The following CSMD1 variants were observed in gnomAD, a reference collection of about 807,000 sequenced individuals.
CSMD1 encodes CUB and sushi domain-containing protein 1.
A neutral mutation model predicts 417.5 loss-of-function variants in CSMD1; 213 were observed. The observed-to-expected ratio is 0.51, with a 90% CI of 0.46 to 0.57. The LOEUF is 0.57. CSMD1 is among the 20% of genes least tolerant of loss of function. The pLI is 0.00. For synonymous variants in CSMD1, 2,862 were observed against 1,736.8 expected, an observed-to-expected ratio of 1.65 and a Z score of -16.11; for missense variants, 6,923 against 4,529.7, an observed-to-expected ratio of 1.53 and a Z score of -15.17.
At chr8:3,286,587 G>A (rs1285840453) in intron 25 of CSMD1, among the ~76,000 whole-genome samples, 1 of 152,010 alleles carries the variant, frequency 6.6e-6, no homozygotes, top group Non-Finnish European at 1.5e-5. Flanking sequence ...GTGATAATGA[G>A]CATTTTTTCA....
chr8:4,460,752 C>G (rs938491843), intron 2 of CSMD1, among the ~76,000 whole-genome samples: 3 of 152,006 alleles, frequency 2.0e-5, no homozygotes, highest in Non-Finnish European at 2.9e-5. Flanking sequence ...CAAACAACAT[C>G]AGAATAGACC....
intron 1 of CSMD1, among the ~76,000 whole-genome samples, chr8:4,957,907 G>T (rs1225829217): frequency 6.6e-6 from 1 of 152,170 alleles, no homozygotes; most frequent in Non-Finnish European, 1.5e-5. Context: ...GCTGGTGTCT[G>T]TAAGGAGAAG....
At chr8:4,806,046 CGG>C in intron 1 of CSMD1, among the ~76,000 whole-genome samples, 1 of 152,096 alleles carries the variant, frequency 6.6e-6, no homozygotes, top group Non-Finnish European at 1.5e-5. Flanking sequence ...AGTGAGATGA[CGG>C]AAACCCGGAT....
chr8:3,942,598 T>C (rs1390495500), intron 5 of CSMD1, among the ~76,000 whole-genome samples: 2 of 152,202 alleles, frequency 1.3e-5, no homozygotes, highest in Admixed American at 1.3e-4. Context: ...GTTTTTCCTC[T>C]AAAGGCGACA....
chr8:4,578,917 C>T (rs1370872531), intron 2 of CSMD1, among the ~76,000 whole-genome samples: 1 of 150,612 alleles, frequency 6.6e-6, no homozygotes, highest in Admixed American at 6.6e-5. Flanking sequence ...GTGAAAACCA[C>T]CATGTGGAAA....
At chr8:4,894,651 G>T (rs1443537884) in intron 1 of CSMD1, among the ~76,000 whole-genome samples, 1 of 151,658 alleles carries the variant, frequency 6.6e-6, no homozygotes, top group Non-Finnish European at 1.5e-5. Context: ...TCTGCAAAGG[G>T]ATTTTAATGT....
chr8:3,883,069 T>C (rs1806314009), intron 5 of CSMD1, among the ~76,000 whole-genome samples: 1 of 152,158 alleles, frequency 6.6e-6, no homozygotes, highest in African/African-American at 2.4e-5. Context: ...GACATAAATG[T>C]GTCTTGACTA....
intron 5 of CSMD1, among the ~76,000 whole-genome samples, chr8:3,814,138 AG>A (rs1292335337): frequency 1.3e-5 from 2 of 152,228 alleles, no homozygotes; most frequent in African/African-American, 2.4e-5. Flanking sequence ...GTACCAGCTC[AG>A]CCCCAGATTC....
chr8:3,746,933 C>T (rs1276242713), intron 6 of CSMD1, among the ~76,000 whole-genome samples: 2 of 152,236 alleles, frequency 1.3e-5, no homozygotes, highest in African/African-American at 4.8e-5. Flanking sequence ...TGTCAGCTTT[C>T]TGCCTGGAAC....
chr8:3,837,747 T>A (rs1353378296), intron 5 of CSMD1, among the ~76,000 whole-genome samples: 1 of 152,024 alleles, frequency 6.6e-6, no homozygotes, highest in South Asian at 2.1e-4. Flanking sequence ...TCCTCCTGGC[T>A]CCTCCCAGTT....
chr8:4,424,279 G>A (rs1169392286), intron 2 of CSMD1, among the ~76,000 whole-genome samples: 2 of 151,858 alleles, frequency 1.3e-5, no homozygotes, highest in East Asian at 1.9e-4. Context: ...AAACACATTC[G>A]CAAGCCAAAT....
chr8:3,631,331 T>C (rs959688659), intron 7 of CSMD1, among the ~76,000 whole-genome samples: 2 of 152,222 alleles, frequency 1.3e-5, no homozygotes, highest in African/African-American at 4.8e-5. Flanking sequence ...GTTCTCATTC[T>C]GAGTCTGCAC....
intron 2 of CSMD1, among the ~76,000 whole-genome samples, chr8:4,555,251 G>A (rs1585243343): frequency 6.6e-6 from 1 of 152,300 alleles, no homozygotes; most frequent in African/African-American, 2.4e-5. Flanking sequence ...AATCTGAGAG[G>A]AGATGGCTGT....
chr8:4,394,455 G>C (rs1804068477), intron 3 of CSMD1, among the ~76,000 whole-genome samples: 1 of 152,138 alleles, frequency 6.6e-6, no homozygotes, highest in Non-Finnish European at 1.5e-5. Flanking sequence ...CTGAGTCTTT[G>C]AAGAAAACTG....
chr8:3,930,684 A>G (rs1342539995), intron 5 of CSMD1, among the ~76,000 whole-genome samples: 1 of 150,336 alleles, frequency 6.7e-6, no homozygotes, highest in Non-Finnish European at 1.5e-5. Flanking sequence ...AACTGCTGGC[A>G]AGTGTACCCT....
At chr8:4,759,152 G>T (rs1320583241) in intron 1 of CSMD1, among the ~76,000 whole-genome samples, 1 of 152,152 alleles carries the variant, frequency 6.6e-6, no homozygotes, top group Admixed American at 6.5e-5. Flanking sequence ...ATTTGTAAAG[G>T]CCTCAGCCTG....
chr8:3,656,516 C>G (rs1798118517), intron 7 of CSMD1, among the ~76,000 whole-genome samples: 1 of 152,198 alleles, frequency 6.6e-6, no homozygotes, highest in Admixed American at 6.5e-5. Context: ...AGTCCTCAGT[C>G]TTCTAATCCG....
At chr8:4,012,489 G>C (rs529720228) in intron 4 of CSMD1, among the ~76,000 whole-genome samples, 14 of 152,214 alleles carry the variant, frequency 9.2e-5, no homozygotes, top group Admixed American at 7.2e-4. Flanking sequence ...CATAAATCTT[G>C]TGTTTCGAGG....
At chr8:3,194,258 C>T (rs1412757264) in intron 33 of CSMD1, among the ~76,000 whole-genome samples, 1 of 151,848 alleles carries the variant, frequency 6.6e-6, no homozygotes. Flanking sequence ...GAAGAAGAAA[C>T]CAAGGGAAAA....
Sources: allele counts gnomAD v4.1 joint callset (sites outside exome capture counted in the v4.1 genomes callset), GRCh38; gene constraint gnomAD v4.1.1; transcripts MANE v1.5; gene names NCBI Gene and HGNC (gene_info 2026-07-23, HGNC 2026-07-21).